GULP1: variants seen among roughly 807,000 people sequenced by gnomAD.
The protein encoded by GULP1 is GULP PTB domain containing engulfment adaptor 1, also known as PTB domain-containing engulfment adapter protein 1.
Under a neutral mutation model 40.9 loss-of-function variants are expected in GULP1, and 19 were observed. The observed-to-expected ratio is 0.46, with a 90% CI of 0.32 to 0.68. The LOEUF is 0.68. Among genes scored for constraint, GULP1 ranks in the 30% least tolerant of loss-of-function variants. The probability of loss-of-function intolerance (pLI) is 0.03; values close to 1 mark genes in which losing one functional copy is unlikely to be tolerated. For missense variants in GULP1, 312 were observed against 362.2 expected, an observed-to-expected ratio of 0.86 and a Z score of 1.12; for synonymous variants, 119 against 117.6, an observed-to-expected ratio of 1.01 and a Z score of -0.08.
At chr2:188,434,936 G>A (rs2057266205) in intron 2 of GULP1, among the ~76,000 whole-genome samples, 1 of 151,830 alleles carries the variant, frequency 6.6e-6, no homozygotes, top group Non-Finnish European at 1.5e-5. Context: ...TGAGCACAAT[G>A]TTTTGTTCAT....
In GULP1 at chr2:188,595,674, A is replaced by C. The variant is rs1412810443; in HGVS notation, c.*1663A>C. 6.6e-6 allele frequency: 1 copy of C among 152,182 alleles called. No individual in the cohort carries two copies. Among genetic ancestry groups the C allele is most frequent in the Non-Finnish European group, 1.5e-5 (1 of 67,752 alleles). 9.4% of individuals were successfully genotyped at this position (152,182 alleles called of 1,614,324 possible). A position where few individuals can be genotyped will look rare whatever the true frequency, so the allele number is the denominator to read the frequency against. On this transcript the variant is annotated 3_prime_UTR_variant, in exon 12 of 12. Coordinates refer to ENST00000409830, the MANE Select transcript of GULP1 (RefSeq NM_016315.4). ...AGATTTATGTAATAGGTATATATTT[A>C]GTGGCCATTTATTATCAATGGTAAC...
chr2:188,366,653 C>T (rs566245998), intron 1 of GULP1, among the ~76,000 whole-genome samples: 9 of 139,002 alleles, frequency 6.5e-5, no homozygotes, highest in South Asian at 4.5e-4. Flanking sequence ...AGTGCAGTGG[C>T]GCGATCTCGG....
intron 7 of GULP1, among the ~76,000 whole-genome samples, chr2:188,556,904 G>A (rs1440406461): frequency 1.3e-5 from 2 of 151,958 alleles, no homozygotes; most frequent in African/African-American, 4.8e-5. Flanking sequence ...GGTGCCTGTA[G>A]TCCCAGCTAC....
intron 9 of GULP1, among the ~76,000 whole-genome samples, chr2:188,576,440 C>T (rs959432229): frequency 2.6e-5 from 4 of 151,972 alleles, no homozygotes; most frequent in East Asian, 1.9e-4. Flanking sequence ...TATTTGCTTC[C>T]GACCCTTTTC....
intron 4 of GULP1, 113 bp downstream of exon 4, chr2:188,483,605 A>G (rs1291531134): frequency 4.6e-6 from 2 of 435,746 alleles, no homozygotes; most frequent in Admixed American, 4.1e-5. Context: ...GATTCCTGAA[A>G]AAAGTTTACA....
At chr2:188,330,221 G>A (rs2041376325) in intron 1 of GULP1, among the ~76,000 whole-genome samples, 1 of 151,994 alleles carries the variant, frequency 6.6e-6, no homozygotes, top group African/African-American at 2.4e-5. Context: ...GATTAGGTAA[G>A]TATTTTATAA....
chr2:188,588,242 A>G, intron 11 of GULP1: 1 of 353,204 alleles, frequency 2.8e-6, no homozygotes, highest in Non-Finnish European at 5.4e-6. Context: ...TGAAATCTAG[A>G]GTTAAACAGT....
At chr2:188,446,297 G>C (rs1331887138) in intron 2 of GULP1, among the ~76,000 whole-genome samples, 1 of 152,120 alleles carries the variant, frequency 6.6e-6, no homozygotes. Context: ...GAAAACACTA[G>C]TGTCCTGGAT....
chr2:188,505,228 C>T (rs1362870982), intron 4 of GULP1, among the ~76,000 whole-genome samples: 5 of 151,738 alleles, frequency 3.3e-5, no homozygotes, highest in Admixed American at 2.6e-4. Context: ...TCCCCAGTAG[C>T]CTCTGAAGTG....
chr2:188,335,712 A>G (rs763315314), intron 1 of GULP1, among the ~76,000 whole-genome samples: 55 of 152,218 alleles, frequency 3.6e-4, no homozygotes, highest in Admixed American at 1.1e-3. Context: ...TCAAGTGACA[A>G]CAAAAGCCTA....
chr2:188,393,667 C>G (rs560619287), intron 2 of GULP1, among the ~76,000 whole-genome samples: 231 of 152,188 alleles, frequency 1.5e-3, no homozygotes, highest in Non-Finnish European at 2.4e-3. Context: ...TTTTTAAGCA[C>G]CTTGAGTTTT....
chr2:188,475,891 A>G (rs1438737620), intron 2 of GULP1, among the ~76,000 whole-genome samples: 1 of 152,120 alleles, frequency 6.6e-6, no homozygotes, highest in Non-Finnish European at 1.5e-5. Flanking sequence ...TTGAAAAAAA[A>G]GAGAAGTACA....
chr2:188,543,096 G>T lies in GULP1; in HGVS notation c.399+1778G>T, dbSNP rs530909767. On this transcript the variant is annotated intron_variant, in intron 7 of 11. Coordinates refer to ENST00000409830, the MANE Select transcript of GULP1 (RefSeq NM_016315.4). ...AAAAGCATAGACCCCATTTCTTTTT[G>T]ATCATAACTGTCTGTAATTGATTGT... is the stretch of plus-strand genomic sequence containing the variant. Among the ~76,000 whole-genome samples the T allele has an allele frequency of 8.5e-5, 13 of 152,062 alleles. 1 individual carries two copies. The South Asian group carries it at 1.0e-3, about 12-fold the overall frequency.
rs548110004 is a variant in GULP1 at position 188,396,791 on chromosome 2, G to GT, written c.-45+12904dup. ...CTCTCAACCTGCCACAGTCACCTGAGTTAGCTGGCAGGCTTCCACGAAATT... is the reference window on the plus strand; with the variant it reads ...CTCTCAACCTGCCACAGTCACCTGAGTTTAGCTGGCAGGCTTCCACGAAATT... On this transcript the variant is annotated intron_variant, in intron 2 of 11. Transcript: ENST00000409830. Among the ~76,000 whole-genome samples, 1,183 of 152,328 alleles carry GT rather than the reference G, an allele frequency of 7.8e-3. 7 individuals are homozygous for GT. Among genetic ancestry groups the GT allele is most frequent in the Non-Finnish European group, 0.013 (854 of 68,016 alleles).
intron 7 of GULP1, among the ~76,000 whole-genome samples, chr2:188,559,128 A>T (rs146290876): frequency 7.2e-4 from 109 of 152,340 alleles, no homozygotes; most frequent in African/African-American, 2.5e-3. Context: ...AGAGGTCTTC[A>T]CAGCAGTCCC....
chr2:188,342,717 C>T (rs943332615), intron 1 of GULP1, among the ~76,000 whole-genome samples: 1 of 152,146 alleles, frequency 6.6e-6, no homozygotes, highest in African/African-American at 2.4e-5. Context: ...TGTACATTAT[C>T]TTAATGCCAC....
intron 4 of GULP1, among the ~76,000 whole-genome samples, chr2:188,517,788 G>A (rs1302906007): frequency 6.6e-6 from 1 of 151,956 alleles, no homozygotes; most frequent in Admixed American, 6.6e-5. Flanking sequence ...TATCCTGGGA[G>A]CCAGGCTGAG....
At chr2:188,297,830 T>C (rs769258126) in intron 1 of GULP1, among the ~76,000 whole-genome samples, 1 of 152,022 alleles carries the variant, frequency 6.6e-6, no homozygotes, top group African/African-American at 2.4e-5. Context: ...CCAAAAAAAA[T>C]CAAACAGAAC....
chr2:188,567,624 A>AATGTC (rs1698052847), intron 7 of GULP1, among the ~76,000 whole-genome samples: 1 of 152,054 alleles, frequency 6.6e-6, no homozygotes, highest in Non-Finnish European at 1.5e-5. Context: ...AACAACACAC[A>AATGTC]CCAGGACCCA....
Sources: allele counts gnomAD v4.1 joint callset (sites outside exome capture counted in the v4.1 genomes callset), GRCh38; gene constraint gnomAD v4.1.1; transcripts MANE v1.5; gene names NCBI Gene and HGNC (gene_info 2026-07-23, HGNC 2026-07-21).